Variants in RNF6 observed in about 807,000 individuals in gnomAD.
The protein encoded by RNF6 is ring finger protein 6, also known as E3 ubiquitin-protein ligase RNF6.
A neutral mutation model predicts 50.1 loss-of-function variants in RNF6; 21 were observed. The ratio of observed to expected loss-of-function variants is 0.42; its 90% CI spans 0.30 to 0.60. The LOEUF is 0.60. Ranked by LOEUF, RNF6 falls within the 20% of genes least tolerant of loss-of-function variation. RNF6 has a pLI of 0.20. For synonymous variants in RNF6, 255 were observed against 291.8 expected, an observed-to-expected ratio of 0.87 and a Z score of 1.29; for missense variants, 698 against 838.2, an observed-to-expected ratio of 0.83 and a Z score of 2.07.
chr13:26,144,381 A>T lies in RNF6; in HGVS notation n.769-11930T>A, dbSNP rs1593144671. Among the ~76,000 whole-genome samples the T allele has an allele frequency of 6.0e-5, 9 of 150,316 alleles. No individual in the cohort carries two copies. The South Asian group carries it at 1.1e-3, about 18-fold the overall frequency. On this transcript the variant is annotated intron_variant and non_coding_transcript_variant, in intron 5 of 5. Coordinates refer to the RNF6 transcript ENST00000468480. ...TAAGCATTCACATGGAAATATCTTC[A>T]TTTTTTTTTTTCACTATTTCAGAGA...
chr13:26,198,621 A>G (rs1868770949), intron 5 of RNF6, among the ~76,000 whole-genome samples: 1 of 151,916 alleles, frequency 6.6e-6, no homozygotes, highest in East Asian at 1.9e-4. Flanking sequence ...CACCACTTCT[A>G]CTTAACACTG....
At chr13:26,211,534 G>C (rs1028722752), downstream of RNF6, among the ~76,000 whole-genome samples, 2 of 152,088 alleles carry the variant, frequency 1.3e-5, no homozygotes, top group Non-Finnish European at 2.9e-5. Flanking sequence ...CAAGGTGGGC[G>C]GATCATGAGG....
At chr13:26,177,273 T>C (rs1025459776) in intron 5 of RNF6, among the ~76,000 whole-genome samples, 28 of 152,210 alleles carry the variant, frequency 1.8e-4, no homozygotes, top group Non-Finnish European at 5.9e-5. Flanking sequence ...CCAGCGACTC[T>C]ACTTCATTGA....
At chr13:26,163,761 A>G (rs1872322378) in intron 5 of RNF6, among the ~76,000 whole-genome samples, 1 of 152,188 alleles carries the variant, frequency 6.6e-6, no homozygotes, top group Non-Finnish European at 1.5e-5. Flanking sequence ...GAATCTACTA[A>G]TATCTGTAAC....
chr13:26,182,600 C>T (rs1194214976), intron 5 of RNF6, among the ~76,000 whole-genome samples: 1 of 152,056 alleles, frequency 6.6e-6, no homozygotes, highest in Non-Finnish European at 1.5e-5. Context: ...ATTGCTTCAG[C>T]CCAGGAGTTC....
chr13:26,190,206 C>T (rs2137682987), intron 5 of RNF6, among the ~76,000 whole-genome samples: 1 of 152,288 alleles, frequency 6.6e-6, no homozygotes, highest in South Asian at 2.1e-4. Flanking sequence ...TCCTCTGACT[C>T]AACTCAGCAG....
At chr13:26,171,105 A>G (rs989159739) in intron 5 of RNF6, among the ~76,000 whole-genome samples, 1 of 152,224 alleles carries the variant, frequency 6.6e-6, no homozygotes, top group Non-Finnish European at 1.5e-5. Context: ...GATTCTATCA[A>G]GAAAATGGAA....
intron 5 of RNF6, chr13:26,135,727 C>T (rs1274931316): frequency 6.6e-6 from 1 of 152,176 alleles, no homozygotes; most frequent in African/African-American, 2.4e-5. Context: ...GGACTGTGAC[C>T]ACCAATGTTG....
At chr13:26,151,107 G>C (rs1871565945) in intron 5 of RNF6, among the ~76,000 whole-genome samples, 1 of 152,168 alleles carries the variant, frequency 6.6e-6, no homozygotes, top group African/African-American at 2.4e-5. Context: ...ACTATCACGT[G>C]ATAGAAAAGT....
chr13:26,180,245 G>A (rs1873171443), intron 5 of RNF6, among the ~76,000 whole-genome samples: 2 of 152,264 alleles, frequency 1.3e-5, no homozygotes, highest in Admixed American at 6.5e-5. Context: ...TCCAGAGCAT[G>A]TACACCTATG....
At chr13:26,151,553 G>A (rs1871591052) in intron 5 of RNF6, among the ~76,000 whole-genome samples, 1 of 151,634 alleles carries the variant, frequency 6.6e-6, no homozygotes, top group African/African-American at 2.4e-5. Flanking sequence ...GCGAGCCACC[G>A]CGCCCGGCCC....
At chr13:26,186,452 C>A (rs1195676397) in intron 5 of RNF6, among the ~76,000 whole-genome samples, 1 of 152,238 alleles carries the variant, frequency 6.6e-6, no homozygotes, top group Non-Finnish European at 1.5e-5. Context: ...CTGCGTGGCA[C>A]GTGGGCCCCG....
chr13:26,161,204 A>G (rs959345041), intron 5 of RNF6, among the ~76,000 whole-genome samples: 2 of 152,222 alleles, frequency 1.3e-5, no homozygotes, highest in Admixed American at 6.5e-5. Context: ...TTGTGCCTCA[A>G]TACCATACTA....
At chr13:26,220,548 T>A (rs10507352) in intron 2 of RNF6, among the ~76,000 whole-genome samples, 3,415 of 152,298 alleles carry the variant, frequency 0.022, 100 homozygotes, top group South Asian at 0.079. Context: ...ATTCAGTAAG[T>A]CACACTAAAG....
intron 5 of RNF6, among the ~76,000 whole-genome samples, chr13:26,176,483 G>T (rs776821059): frequency 2.0e-5 from 3 of 152,174 alleles, no homozygotes; most frequent in Non-Finnish European, 4.4e-5. Flanking sequence ...GACTTTTTGG[G>T]GGATTGAATT....
chr13:26,170,471 C>G (rs966146455), intron 5 of RNF6, among the ~76,000 whole-genome samples: 1 of 127,690 alleles, frequency 7.8e-6, no homozygotes, highest in Non-Finnish European at 1.7e-5. Context: ...TTTCTCTTTA[C>G]GCATTTTACT....
intron 5 of RNF6, among the ~76,000 whole-genome samples, chr13:26,144,297 A>G (rs1222955843): frequency 6.6e-6 from 1 of 152,098 alleles, no homozygotes; most frequent in Admixed American, 6.5e-5. Flanking sequence ...ATATCTACGC[A>G]ATGGGTCATC....
intron 5 of RNF6, among the ~76,000 whole-genome samples, chr13:26,137,619 T>C (rs1428327140): frequency 2.0e-5 from 3 of 147,024 alleles, no homozygotes; most frequent in African/African-American, 5.1e-5. Flanking sequence ...TATGTCTCAC[T>C]AAATTGAGAA....
intron 5 of RNF6, among the ~76,000 whole-genome samples, chr13:26,150,643 C>A (rs939306271): frequency 5.3e-5 from 8 of 151,538 alleles, no homozygotes; most frequent in Admixed American, 1.3e-4. Context: ...GAGTATATAA[C>A]TTAAAATTTA....
Sources: gnomAD v4.1 joint callset for allele counts (sites outside exome capture counted in the v4.1 genomes callset) on GRCh38, gnomAD v4.1.1 for gene constraint, MANE v1.5 for transcripts, NCBI Gene and HGNC (gene_info 2026-07-23, HGNC 2026-07-21) for gene names.